CSMD1: variants seen among roughly 807,000 people sequenced by gnomAD.
The protein encoded by CSMD1 is CUB and sushi domain-containing protein 1.
In CSMD1, 213 loss-of-function variants were observed where a neutral mutation model predicts 417.5. The observed-to-expected ratio is 0.51, with a 90% CI of 0.46 to 0.57. The LOEUF (loss-of-function observed/expected upper bound fraction) is 0.57. Among genes scored for constraint, CSMD1 ranks in the 20% least tolerant of loss-of-function variants. The probability of loss-of-function intolerance (pLI) is 0.00; values close to 1 mark genes in which losing one functional copy is unlikely to be tolerated. For synonymous variants in CSMD1, 2,862 were observed against 1,736.8 expected, an observed-to-expected ratio of 1.65 and a Z score of -16.11; for missense variants, 6,923 against 4,529.7, an observed-to-expected ratio of 1.53 and a Z score of -15.17.
At chr8:3,776,357 C>G (rs189973172) in intron 5 of CSMD1, among the ~76,000 whole-genome samples, 1 of 152,168 alleles carries the variant, frequency 6.6e-6, no homozygotes, top group African/African-American at 2.4e-5. Flanking sequence ...CCAGGGGTCA[C>G]CTGTCTCACT....
At chr8:4,960,406 TCA>T (rs1283930206) in intron 1 of CSMD1, among the ~76,000 whole-genome samples, 1 of 152,202 alleles carries the variant, frequency 6.6e-6, no homozygotes, top group East Asian at 1.9e-4. Flanking sequence ...GCTACCGATC[TCA>T]CTCTTCTTTC....
Position 4,267,444 on chromosome 8 carries a change from A to G in CSMD1, c.415+152509T>C, listed in dbSNP as rs539157770. ...TAAGCTTCTACAGCAGAGTAAAAAT[A>G]GTTTAAATAATATATAATGAATATA... On this transcript the variant is annotated intron_variant, in intron 3 of 69. Transcript: ENST00000635120. Among the ~76,000 whole-genome samples the G allele has an allele frequency of 3.4e-3, 509 of 149,480 alleles. 67 individuals are homozygous for G. The highest frequency in any genetic ancestry group is 0.012 in the African/African-American group (491 of 41,278).
chr8:2,970,595 TA>T lies in CSMD1; in HGVS notation c.8923+2521del, dbSNP rs532626938. On this transcript the variant is annotated intron_variant, in intron 57 of 69. Coordinates refer to ENST00000635120, the MANE Select transcript of CSMD1 (RefSeq NM_033225.6). ...CTTTGTAACTATTGAGGAAATATTT[TA>T]AATTTCAATTAAAATACTGCCGATG... Among the ~76,000 whole-genome samples, 330 of 152,322 alleles carry T rather than the reference TA, an allele frequency of 2.2e-3. 2 individuals are homozygous for T. The highest frequency in any genetic ancestry group is 3.9e-3 in the Non-Finnish European group (268 of 68,028).
chr8:4,332,476 G>C (rs917061349), intron 3 of CSMD1, among the ~76,000 whole-genome samples: 1 of 151,632 alleles, frequency 6.6e-6, no homozygotes, highest in Non-Finnish European at 1.5e-5. Context: ...CTCCAACTGA[G>C]CACCTCACAG....
intron 47 of CSMD1, among the ~76,000 whole-genome samples, chr8:3,093,329 C>A (rs928706089): frequency 6.6e-6 from 1 of 152,114 alleles, no homozygotes; most frequent in Non-Finnish European, 1.5e-5. Context: ...GCCCTTCTGA[C>A]CCCTTCCGCT....
chr8:3,309,616 C>G (rs1036357397), intron 23 of CSMD1, among the ~76,000 whole-genome samples: 1 of 146,908 alleles, frequency 6.8e-6, no homozygotes, highest in Non-Finnish European at 1.5e-5. Flanking sequence ...CAAATTTTGA[C>G]AATTGTAAAA....
chr8:4,829,866 G>T (rs1184723735), intron 1 of CSMD1, among the ~76,000 whole-genome samples: 3 of 152,142 alleles, frequency 2.0e-5, no homozygotes, highest in East Asian at 1.9e-4. Flanking sequence ...TGGTCAGAGT[G>T]GTACAAAGTT....
chr8:3,745,370 C>T (rs544893604), intron 6 of CSMD1, among the ~76,000 whole-genome samples: 1 of 152,210 alleles, frequency 6.6e-6, no homozygotes, highest in South Asian at 2.1e-4. Flanking sequence ...ACTGAGCTGA[C>T]CAGCAGGAGG....
At chr8:3,610,476 A>AGTGAGCTATGATCGTACTACT (rs71203454) in intron 8 of CSMD1, among the ~76,000 whole-genome samples, 110,673 of 151,902 alleles carry the variant, frequency 0.73, 40,845 homozygotes, top group Middle Eastern at 0.83. Flanking sequence ...TCGAGATTAC[A>AGTGAGCTATGATCGTACTACT]GTACTCCAGG....
At chr8:4,187,694 A>AAAAAG (rs57614933) in intron 3 of CSMD1, among the ~76,000 whole-genome samples, 1 of 150,976 alleles carries the variant, frequency 6.6e-6, no homozygotes, top group Non-Finnish European at 1.5e-5. Context: ...AAAAAAAAAA[A>AAAAAG]GCATTCAGGA....
At position 4,033,849 on chromosome 8, in the gene CSMD1, G is replaced by A. The variant is rs983421609; in HGVS notation, c.416-1750C>T. Among the ~76,000 whole-genome samples the A allele has an allele frequency of 2.0e-5, 3 of 152,080 alleles. No homozygotes were observed. The East Asian group carries it at 5.8e-4, about 29-fold the overall frequency. On this transcript the variant is annotated intron_variant, in intron 3 of 69. Transcript: ENST00000635120. ...TTCCACACTTATAGAACATGATTTTGAACTGAAACGGTACATCATTCAGTT... is the reference window on the plus strand; with the variant it reads ...TTCCACACTTATAGAACATGATTTTAAACTGAAACGGTACATCATTCAGTT...
intron 9 of CSMD1, among the ~76,000 whole-genome samples, chr8:3,585,383 T>G (rs1010049986): frequency 5.3e-5 from 8 of 152,208 alleles, no homozygotes; most frequent in African/African-American, 1.9e-4. Context: ...CTAGGGCTTT[T>G]TCTCCCAAAA....
intron 19 of CSMD1, 78 bp from the exon 20 acceptor site, chr8:3,367,325 C>A (rs1809659762): frequency 3.6e-6 from 3 of 828,540 alleles, no homozygotes; most frequent in Non-Finnish European, 3.9e-6. Flanking sequence ...GGGAGCGGGG[C>A]AGAGAGAGAC....
rs535449230 is a variant in CSMD1, at chr8:3,322,717, G to A, written c.3632-14214C>T. 5.3e-5 allele frequency among the ~76,000 whole-genome samples: 8 copies of A among 152,302 alleles called. No homozygotes were observed. The East Asian group carries it at 9.7e-4, about 18-fold the overall frequency. On this transcript the variant is annotated intron_variant, in intron 23 of 69. Transcript: ENST00000635120. ...CATGGCAGTGGAGTCCACAGCCAGT[G>A]GGGCAAGGTTGCCCATCCAGGGCAT...
At chr8:4,869,039 C>A (rs1802581984) in intron 1 of CSMD1, among the ~76,000 whole-genome samples, 1 of 151,638 alleles carries the variant, frequency 6.6e-6, no homozygotes, top group Admixed American at 6.6e-5. Flanking sequence ...TTACTACATA[C>A]CATTTCCAAA....
At chr8:3,245,316 T>C (rs1007661994) in intron 26 of CSMD1, among the ~76,000 whole-genome samples, 1 of 152,122 alleles carries the variant, frequency 6.6e-6, no homozygotes, top group Non-Finnish European at 1.5e-5. Flanking sequence ...TGGGTCCCAG[T>C]CACTAGGAGC....
chr8:4,335,445 C>T (rs908945900), intron 3 of CSMD1, among the ~76,000 whole-genome samples: 1 of 152,046 alleles, frequency 6.6e-6, no homozygotes, highest in African/African-American at 2.4e-5. Context: ...TTACTAGAAT[C>T]ATTTATTTAA....
chr8:3,771,628 A>G (rs1476869093), intron 5 of CSMD1, among the ~76,000 whole-genome samples: 1 of 152,158 alleles, frequency 6.6e-6, no homozygotes, highest in African/African-American at 2.4e-5. Flanking sequence ...GAAAGGTGAC[A>G]GAAGCCAGTG....
intron 12 of CSMD1, among the ~76,000 whole-genome samples, chr8:3,414,576 T>C (rs781087369): frequency 2.6e-4 from 39 of 152,208 alleles, no homozygotes; most frequent in Admixed American, 5.2e-4. Flanking sequence ...TTTCTCAAAC[T>C]CCAGTGCTAA....
Sources: allele counts gnomAD v4.1 joint callset (sites outside exome capture counted in the v4.1 genomes callset), GRCh38; gene constraint gnomAD v4.1.1; transcripts MANE v1.5; gene names NCBI Gene and HGNC (gene_info 2026-07-23, HGNC 2026-07-21).